The following HEATR5A variants were observed in gnomAD, a reference collection of about 807,000 sequenced individuals.
HEATR5A encodes the protein HEAT repeat-containing protein 5A.
In HEATR5A, 178 loss-of-function variants were observed where a neutral mutation model predicts 218.8. The observed-to-expected ratio is 0.81, with a 90% confidence interval of 0.72 to 0.92. The LOEUF (loss-of-function observed/expected upper bound fraction) is 0.92, where lower values mean the gene tolerates loss of function less well. HEATR5A is among the 40% of genes least tolerant of loss of function. The pLI is 0.00. For synonymous variants in HEATR5A, 864 were observed against 871.6 expected (o/e 0.99, Z 0.15); for missense variants, 2,420 against 2,418.9 (o/e 1.00, Z -0.01).
At chr14:31,411,104 G>C (rs2031255665) in intron 1 of HEATR5A, among the ~76,000 whole-genome samples, 1 of 152,108 alleles carries the variant, frequency 6.6e-6, no homozygotes, top group South Asian at 2.1e-4. Context: ...AAAGCTGATA[G>C]TTTAATATAA....
At position 31,348,872 on chromosome 14, in the gene HEATR5A, A is replaced by G. The variant is rs76735958; in HGVS notation, c.2708+917T>C. Among the ~76,000 whole-genome samples the G allele has an allele frequency of 3.1e-3, 474 of 152,296 alleles. 4 individuals carry two copies. Among genetic ancestry groups the G allele is most frequent in the African/African-American group, 0.011 (458 of 41,566 alleles). ...ACATATTCAGTAGGCTCCAAGGTCAAAGTGCTATCAATACTACCACCACCA... is the reference window on the plus strand; with the variant it reads ...ACATATTCAGTAGGCTCCAAGGTCAGAGTGCTATCAATACTACCACCACCA... On this transcript the variant is annotated intron_variant, in intron 18 of 35. Coordinates refer to ENST00000543095, the MANE Select transcript of HEATR5A (RefSeq NM_015473.4).
Position 31,345,278 on chromosome 14 carries a change from T to C in HEATR5A, c.2869-2A>G. 1.3e-6 allele frequency: 2 copies of C among 1,589,898 alleles called. No homozygotes were observed. The highest frequency in any genetic ancestry group is 1.7e-6 in the Non-Finnish European group (2 of 1,170,488). On this transcript the variant is annotated splice_acceptor_variant, in intron 19 of 35. Coordinates refer to ENST00000543095, the MANE Select transcript of HEATR5A (RefSeq NM_015473.4). LOFTEE classifies it high-confidence loss of function. ...TGATAGAGAATGTAATGCCCAGGTC[T>C]GTAATGACAAAGAAAAACAATTAAA...
chr14:31,301,729 G>C (rs562385695), intron 33 of HEATR5A, among the ~76,000 whole-genome samples: 3 of 151,312 alleles, frequency 2.0e-5, no homozygotes, highest in South Asian at 4.2e-4. Context: ...CTGACCTCAA[G>C]TGATCCGCCA....
intron 29 of HEATR5A, 124 bp downstream of exon 29, chr14:31,308,810 T>C (rs771912805): frequency 2.0e-4 from 142 of 702,028 alleles, no homozygotes; most frequent in Non-Finnish European, 2.9e-4. Flanking sequence ...TGACAATAAT[T>C]GTGAGCTTGA....
chr14:31,293,584 G>A lies in HEATR5A; in HGVS notation c.5862C>T (p.Pro1954=). 1.2e-6 allele frequency: 2 copies of A among 1,612,762 alleles called. No homozygotes were observed. The highest frequency in any genetic ancestry group is 1.7e-6 in the Non-Finnish European group (2 of 1,179,474). The change falls in exon 36 of 36, where the codon CCC becomes CCT. Residue 1954 remains proline, a synonymous_variant. Coordinates refer to ENST00000543095, the MANE Select transcript of HEATR5A (RefSeq NM_015473.4). The part of the protein sequence containing the change: ...HRAQLVACLL[P]ILISFLLDEN... Reference sequence around the variant, plus strand: ...CATCCAAAAGGAAGGAAATGAGGATGGGCAAAAGACAGGCCACCAGCTGAG... The same window carrying A: ...CATCCAAAAGGAAGGAAATGAGGATAGGCAAAAGACAGGCCACCAGCTGAG...
At chr14:31,310,028 C>T (rs146433109) in intron 28 of HEATR5A, among the ~76,000 whole-genome samples, 1,683 of 152,210 alleles carry the variant, frequency 0.011, 29 homozygotes, top group African/African-American at 0.038. Flanking sequence ...AAACCTAAAA[C>T]TGTTAATACC....
intron 22 of HEATR5A, among the ~76,000 whole-genome samples, chr14:31,327,080 T>C (rs1436450680): frequency 6.6e-6 from 1 of 151,336 alleles, no homozygotes; most frequent in African/African-American, 2.4e-5. Flanking sequence ...GTTGAATTGG[T>C]TCTCCTGCCT....
At chr14:31,299,963 G>A (rs1254876756) in intron 33 of HEATR5A, among the ~76,000 whole-genome samples, 1 of 151,964 alleles carries the variant, frequency 6.6e-6, no homozygotes, top group Non-Finnish European at 1.5e-5. Flanking sequence ...TTGAACCTGG[G>A]AGGCAGAAGT....
chr14:31,318,256 T>A lies in HEATR5A; in HGVS notation c.4006A>T (p.Thr1336Ser). ...GCTTTGGCAGTGACATCAGGTGGTG[T>A]CTCTGAAGTGAAGGCTGGTCTAAGC... ...AALRPAFTSE[T>S]PPDVTAKACQ... Residue 1336 changes from threonine to serine, a missense_variant, in exon 26 of 36, where the codon ACA (threonine) becomes TCA (serine). By Grantham distance (58) the Thr-to-Ser change is moderately conservative. Transcript: ENST00000543095. 6.2e-7 allele frequency: 1 copy of A among 1,613,914 alleles called. No individual in the cohort carries two copies. The highest frequency in any genetic ancestry group is 1.3e-5 in the African/African-American group (1 of 75,056).
At chr14:31,390,121 T>C (rs540835092) in intron 6 of HEATR5A, among the ~76,000 whole-genome samples, 12 of 152,180 alleles carry the variant, frequency 7.9e-5, no homozygotes, top group Non-Finnish European at 1.2e-4. Context: ...GAAATGGCTA[T>C]GACAAAAAGG....
At position 31,293,551 on chromosome 14, in the gene HEATR5A, A is replaced by G. The variant is rs376951133; in HGVS notation, c.5895T>C (p.Ser1965=). Residue 1965 remains serine (S), a synonymous_variant, in exon 36 of 36, where the codon TCT becomes TCC. Coordinates refer to ENST00000543095, the MANE Select transcript of HEATR5A (RefSeq NM_015473.4). The part of the protein sequence containing the change: ...ILISFLLDEN[S]LGSATSIMRN... The stretch of plus-strand genomic sequence containing the variant: ...TCATTATGGAAGTTGCTGATCCCAG[A>G]GAATTTTCATCCAAAAGGAAGGAAA... The G allele has an allele frequency of 2.6e-5, 42 of 1,613,764 alleles. No individual in the cohort carries two copies. Among genetic ancestry groups the G allele is most frequent in the Non-Finnish European group, 3.5e-5 (41 of 1,179,808 alleles).
At chr14:31,386,824 TGAGA>T (rs1287977926) in intron 8 of HEATR5A, among the ~76,000 whole-genome samples, 1 of 152,176 alleles carries the variant, frequency 6.6e-6, no homozygotes, top group Non-Finnish European at 1.5e-5. Context: ...CAAGTGGCAC[TGAGA>T]GAGAGAACTC....
chr14:31,418,938 T>A (rs998309442), intron 1 of HEATR5A, among the ~76,000 whole-genome samples: 5 of 152,132 alleles, frequency 3.3e-5, no homozygotes, highest in African/African-American at 1.2e-4. Context: ...AAAAAATAAT[T>A]TTTTTCTGTA....
chr14:31,391,518 T>G (rs1321512345), intron 6 of HEATR5A, among the ~76,000 whole-genome samples: 2 of 150,550 alleles, frequency 1.3e-5, no homozygotes, highest in Non-Finnish European at 2.9e-5. Context: ...AAACTTTTAG[T>G]AAACAAAGGC....
intron 7 of HEATR5A, 113 bp from the exon 8 acceptor site, chr14:31,387,488 C>G: frequency 1.2e-6 from 1 of 845,062 alleles, no homozygotes. Flanking sequence ...AAATTGTATT[C>G]TTTCCTAATT....
At chr14:31,380,301 G>A (rs1019623884) in intron 11 of HEATR5A, among the ~76,000 whole-genome samples, 166 bp downstream of exon 11, 1 of 152,200 alleles carries the variant, frequency 6.6e-6, no homozygotes, top group African/African-American at 2.4e-5. Flanking sequence ...AAGCAATGAC[G>A]AAAGTAAAAG....
In HEATR5A at chr14:31,326,049, ACAGT is replaced by A. The variant is rs754923925; in HGVS notation, c.3547+110_3547+113del. 42 of 731,368 alleles carry A rather than the reference ACAGT, an allele frequency of 5.7e-5. 1 individual carries two copies. The highest frequency in any genetic ancestry group is 5.5e-4 in the South Asian group (33 of 60,022). The allele number at this position is 731,368 out of a possible 1,614,324, so 45.3% of individuals were successfully genotyped here. A position where few individuals can be genotyped will look rare whatever the true frequency, so the allele number is the denominator to read the frequency against. ...TCATTTGAAGAAAAGCAACAATCAG[ACAGT>A]CAGAATCCAGCTAGTTAGACAAGAC... On this transcript the variant is annotated intron_variant, in intron 23 of 35. Coordinates refer to ENST00000543095, the MANE Select transcript of HEATR5A (RefSeq NM_015473.4).
At chr14:31,343,018 C>T (rs949228904) in intron 21 of HEATR5A, among the ~76,000 whole-genome samples, 6 of 151,926 alleles carry the variant, frequency 3.9e-5, no homozygotes, top group South Asian at 2.1e-4. Flanking sequence ...AGCCATGGTG[C>T]CAATTTATAA....
chr14:31,328,096 G>A (rs762456758), intron 22 of HEATR5A, among the ~76,000 whole-genome samples: 1 of 152,002 alleles, frequency 6.6e-6, no homozygotes, highest in African/African-American at 2.4e-5. Flanking sequence ...TTACAGGCAT[G>A]TGCTACCATG....
Sources: allele counts gnomAD v4.1 joint callset (sites outside exome capture counted in the v4.1 genomes callset), GRCh38; gene constraint gnomAD v4.1.1; transcripts MANE v1.5; gene names NCBI Gene and HGNC (gene_info 2026-07-23, HGNC 2026-07-21).